Variants in NTN1 observed in about 807,000 individuals in gnomAD.
NTN1 encodes the protein netrin-1.
A neutral mutation model predicts 54.2 loss-of-function variants in NTN1; 11 were observed. The ratio of observed to expected loss-of-function variants is 0.20; its 90% CI spans 0.13 to 0.34. The LOEUF is 0.34. Among genes scored for constraint, NTN1 ranks in the 10% least tolerant of loss-of-function variants. The probability of loss-of-function intolerance (pLI) is 1.00; values close to 1 mark genes in which losing one functional copy is unlikely to be tolerated. For missense variants in NTN1, 740 were observed against 893.1 expected (o/e 0.83, Z 2.18); for synonymous variants, 371 against 382.0 (o/e 0.97, Z 0.33).
chr17:9,214,927 CT>C, intron 5 of NTN1, among the ~76,000 whole-genome samples: 1 of 152,254 alleles, frequency 6.6e-6, no homozygotes, highest in Admixed American at 6.5e-5. Context: ...ATTGTTTTGT[CT>C]TTAGTGGTTG....
At chr17:9,081,618 G>C (rs568689981) in intron 2 of NTN1, among the ~76,000 whole-genome samples, 2 of 152,138 alleles carry the variant, frequency 1.3e-5, no homozygotes, top group Non-Finnish European at 2.9e-5. Context: ...ACAGGTTAAC[G>C]AGGAAGCCGA....
At chr17:9,222,510 C>T (rs908835279) in intron 6 of NTN1, among the ~76,000 whole-genome samples, 6 of 152,178 alleles carry the variant, frequency 3.9e-5, no homozygotes, top group Non-Finnish European at 1.5e-5. Flanking sequence ...TGAGTGTATA[C>T]GGGGAGGACA....
At chr17:9,176,744 A>G (rs775588641) in intron 3 of NTN1, 1 of 152,250 alleles carries the variant, frequency 6.6e-6, no homozygotes, top group Non-Finnish European at 1.5e-5. Flanking sequence ...ATTATAAGAT[A>G]GGAGCTTATT....
chr17:9,126,647 G>A (rs752259414), intron 2 of NTN1, among the ~76,000 whole-genome samples: 3 of 152,226 alleles, frequency 2.0e-5, no homozygotes, highest in Non-Finnish European at 4.4e-5. Context: ...CAGTGTGGCT[G>A]TTGGGGAAGG....
At position 9,153,898 on chromosome 17, in the gene NTN1, T is replaced by G. The variant is rs1363695163; in HGVS notation, c.1019-8915T>G. Among the ~76,000 whole-genome samples, 4 of 152,210 alleles carry G rather than the reference T, an allele frequency of 2.6e-5. 1 individual carries two copies. The South Asian group carries it at 6.2e-4, about 24-fold the overall frequency. On this transcript the variant is annotated intron_variant, in intron 2 of 6. Transcript: ENST00000173229. ...TGGACTGACTCTACCTGTTGACTCT[T>G]TTCTTTCAGACAAGTGAGTTGTCCA... is the stretch of plus-strand genomic sequence containing the variant.
At chr17:9,016,104 C>A in the NTN1 span, among the ~76,000 whole-genome samples, 1 of 151,856 alleles carries the variant, frequency 6.6e-6, no homozygotes, top group Non-Finnish European at 1.5e-5. Flanking sequence ...AAAACCCCCA[C>A]AAAACTCCTG....
chr17:9,026,714 G>A (rs1395604745), intron 2 of NTN1, among the ~76,000 whole-genome samples: 4 of 148,066 alleles, frequency 2.7e-5, no homozygotes, highest in Non-Finnish European at 4.4e-5. Context: ...ATAAATTATC[G>A]ACATCAGTTT....
chr17:9,109,584 C>T (rs2092183019), intron 2 of NTN1, among the ~76,000 whole-genome samples: 1 of 152,180 alleles, frequency 6.6e-6, no homozygotes, highest in South Asian at 2.1e-4. Context: ...AACATTGTTG[C>T]AATAAGCAGC....
chr17:9,196,518 G>A (rs1197265807), intron 5 of NTN1, among the ~76,000 whole-genome samples: 1 of 152,224 alleles, frequency 6.6e-6, no homozygotes, highest in African/African-American at 2.4e-5. Flanking sequence ...TGCTCCTAAA[G>A]CTGTTTGTGC....
At chr17:9,124,231 G>A (rs965536714) in intron 2 of NTN1, among the ~76,000 whole-genome samples, 1 of 152,154 alleles carries the variant, frequency 6.6e-6, no homozygotes, top group Non-Finnish European at 1.5e-5. Flanking sequence ...TCCATAATTG[G>A]GTGTGCCGGG....
chr17:9,137,607 A>G (rs560924107), intron 2 of NTN1, among the ~76,000 whole-genome samples: 2 of 152,298 alleles, frequency 1.3e-5, no homozygotes, highest in African/African-American at 4.8e-5. Flanking sequence ...AGCCTGGCCA[A>G]CATGGTGAAA....
chr17:9,026,569 A>G (rs1348745194), intron 2 of NTN1, among the ~76,000 whole-genome samples: 1 of 152,132 alleles, frequency 6.6e-6, no homozygotes, highest in Non-Finnish European at 1.5e-5. Context: ...AGAAGTACCC[A>G]TGCATGGTGG....
chr17:9,035,418 G>T (rs1211656798), intron 2 of NTN1, among the ~76,000 whole-genome samples: 1 of 152,128 alleles, frequency 6.6e-6, no homozygotes, highest in Non-Finnish European at 1.5e-5. Flanking sequence ...TCCACTTACG[G>T]CAGGCATTTG....
intron 2 of NTN1, among the ~76,000 whole-genome samples, chr17:9,104,155 G>C (rs1168784500): frequency 6.7e-6 from 1 of 149,728 alleles, no homozygotes; most frequent in Non-Finnish European, 1.5e-5. Context: ...ACCTAGAGTA[G>C]TCCAGTTCAT....
At chr17:9,228,955 CGT>C (rs1567746468) in intron 6 of NTN1, among the ~76,000 whole-genome samples, 9 of 142,022 alleles carry the variant, frequency 6.3e-5, no homozygotes, top group Middle Eastern at 3.4e-3. Flanking sequence ...TGTGACTCTG[CGT>C]GTGTGATTGT....
chr17:9,023,136 C>T lies in NTN1; in HGVS notation c.763C>T (p.His255Tyr). Residue 255 changes from histidine (H) to tyrosine (Y), a missense_variant, in exon 2 of 7, where the codon CAC becomes TAC. Physicochemically the swap from His to Tyr is moderately conservative, Grantham distance 83 (BLOSUM62 2). Transcript: ENST00000173229. Reference sequence around the variant, plus strand: ...CATCCGCGTGGCCTTCAGCCGCCTGCACACGTTCGGCGACGAGAACGAGGA... The same window carrying T: ...CATCCGCGTGGCCTTCAGCCGCCTGTACACGTTCGGCGACGAGAACGAGGA... The part of the protein sequence containing the change: ...TDIRVAFSRL[H>Y]TFGDENEDDS... 2 of 1,564,704 alleles carry T rather than the reference C, an allele frequency of 1.3e-6. No individual in the cohort carries two copies. The highest frequency in any genetic ancestry group is 1.7e-6 in the Non-Finnish European group (2 of 1,153,942).
At chr17:9,041,847 A>G (rs1246104994) in intron 2 of NTN1, among the ~76,000 whole-genome samples, 5 of 152,170 alleles carry the variant, frequency 3.3e-5, no homozygotes, top group Admixed American at 2.0e-4. Context: ...CGTCTCTACT[A>G]AAAATATAAA....
chr17:9,132,439 CCT>C (rs1195032107), intron 2 of NTN1, among the ~76,000 whole-genome samples: 1 of 152,162 alleles, frequency 6.6e-6, no homozygotes, highest in African/African-American at 2.4e-5. Context: ...GGACCTACTC[CCT>C]TTCTCATGCC....
At chr17:9,019,516 T>C (rs2091838926), upstream of NTN1, among the ~76,000 whole-genome samples, 2 of 152,358 alleles carry the variant, frequency 1.3e-5, no homozygotes, top group South Asian at 4.1e-4. Context: ...TTTGCATACA[T>C]GAGAAAGCCT....
Sources: allele counts gnomAD v4.1 joint callset (sites outside exome capture counted in the v4.1 genomes callset), GRCh38; gene constraint gnomAD v4.1.1; transcripts MANE v1.5; gene names NCBI Gene and HGNC (gene_info 2026-07-23, HGNC 2026-07-21).